Variants in MAP4K4 observed in about 807,000 individuals in gnomAD.
The protein encoded by MAP4K4 is mitogen-activated protein kinase kinase kinase kinase 4.
MAP4K4 carries 38 observed loss-of-function variants against 189.6 expected under a neutral mutation model. The ratio of observed to expected loss-of-function variants is 0.20; its 90% CI spans 0.15 to 0.26. The LOEUF is 0.26. Ranked by LOEUF, MAP4K4 falls within the 10% of genes least tolerant of loss-of-function variation. MAP4K4 has a pLI of 1.00. For synonymous variants in MAP4K4, 610 were observed against 624.3 expected, an observed-to-expected ratio of 0.98 and a Z score of 0.34; for missense variants, 1,054 against 1,726.9, an observed-to-expected ratio of 0.61 and a Z score of 6.91.
chr2:101,836,401 A>G (rs1458431019), intron 9 of MAP4K4, among the ~76,000 whole-genome samples: 1 of 152,190 alleles, frequency 6.6e-6, no homozygotes, highest in Non-Finnish European at 1.5e-5. Flanking sequence ...CCTGACCAAC[A>G]TGGAGAAACC....
chr2:101,865,148 T>G (rs912381559), intron 18 of MAP4K4, 112 bp downstream of exon 18: 13 of 636,032 alleles, frequency 2.0e-5, no homozygotes, highest in Non-Finnish European at 3.2e-5. Context: ...GCTAAGAGAT[T>G]ATCAGTTATA....
At chr2:101,864,299 A>G (rs1422114129) in intron 17 of MAP4K4, among the ~76,000 whole-genome samples, 1 of 152,196 alleles carries the variant, frequency 6.6e-6, no homozygotes, top group Non-Finnish European at 1.5e-5. Flanking sequence ...GTAAGTCTAC[A>G]AAGAATAGGC....
chr2:101,708,659 T>C (rs2043728117), intron 2 of MAP4K4, among the ~76,000 whole-genome samples: 1 of 152,212 alleles, frequency 6.6e-6, no homozygotes, highest in African/African-American at 2.4e-5. Context: ...AATTCAAGCT[T>C]ACATTTCAGT....
chr2:101,874,947 G>GTTTAT (rs1172912279), intron 26 of MAP4K4, among the ~76,000 whole-genome samples: 1 of 152,114 alleles, frequency 6.6e-6, no homozygotes, highest in East Asian at 1.9e-4. Context: ...TGAGGTTGAT[G>GTTTAT]TTTATATGTT....
chr2:101,704,539 GTGTA>G (rs1265384183), intron 2 of MAP4K4, among the ~76,000 whole-genome samples: 5 of 72,806 alleles, frequency 6.9e-5, no homozygotes, highest in African/African-American at 3.3e-4. Flanking sequence ...GTGTGTGTGT[GTGTA>G]TATATATATA....
chr2:101,702,709 G>A (rs1409587803), intron 2 of MAP4K4, among the ~76,000 whole-genome samples: 1 of 152,178 alleles, frequency 6.6e-6, no homozygotes, highest in Non-Finnish European at 1.5e-5. Flanking sequence ...TGAAATCAAG[G>A]TTCACTCAAA....
exon 33 of MAP4K4, chr2:101,892,152 A>G (rs2098580406): frequency 6.5e-6 from 1 of 152,744 alleles, no homozygotes; most frequent in African/African-American, 2.4e-5. Context: ...GTTTTACCAC[A>G]GTCTGCACTT....
At chr2:101,742,390 C>T (rs1007339585) in intron 2 of MAP4K4, among the ~76,000 whole-genome samples, 1 of 152,110 alleles carries the variant, frequency 6.6e-6, no homozygotes, top group African/African-American at 2.4e-5. Flanking sequence ...TTCCTTAAGC[C>T]TTTAGAATAA....
At chr2:101,833,008 C>A (rs2096633392) in intron 7 of MAP4K4, among the ~76,000 whole-genome samples, 1 of 152,138 alleles carries the variant, frequency 6.6e-6, no homozygotes, top group South Asian at 2.1e-4. Context: ...TGTTGCCTCA[C>A]AGCAGGGGAC....
At chr2:101,719,996 G>A (rs2149426027) in intron 2 of MAP4K4, among the ~76,000 whole-genome samples, 1 of 152,112 alleles carries the variant, frequency 6.6e-6, no homozygotes, top group African/African-American at 2.4e-5. Flanking sequence ...TGGGCGACAA[G>A]AGTGAGACTA....
chr2:101,788,639 C>T (rs2092203940), intron 2 of MAP4K4, among the ~76,000 whole-genome samples: 2 of 152,142 alleles, frequency 1.3e-5, no homozygotes, highest in Non-Finnish European at 2.9e-5. Flanking sequence ...GGTCTGGCCT[C>T]ATCACAAAAA....
At chr2:101,853,356 G>A (rs147794764) in intron 12 of MAP4K4, among the ~76,000 whole-genome samples, 1 of 152,272 alleles carries the variant, frequency 6.6e-6, no homozygotes, top group African/African-American at 2.4e-5. Context: ...CACACGAACA[G>A]ACACAAGACC....
chr2:101,755,272 T>G (rs1421905729), intron 2 of MAP4K4, among the ~76,000 whole-genome samples: 1 of 152,038 alleles, frequency 6.6e-6, no homozygotes, highest in Admixed American at 6.6e-5. Context: ...TCTTGTGGAC[T>G]TCCTAGTAAA....
In MAP4K4 at chr2:101,870,486, C is replaced by T. The variant is rs2097956121; in HGVS notation, c.2760+71C>T. On this transcript the variant is annotated intron_variant, in intron 23 of 32. Transcript: ENST00000324219. ...TCATTAACCCACTTGCTCATTCACTCACTCATGCTGTTTCTCCATCATCAT... is the reference window on the plus strand; with the variant it reads ...TCATTAACCCACTTGCTCATTCACTTACTCATGCTGTTTCTCCATCATCAT... 10 of 1,579,202 alleles carry T rather than the reference C, an allele frequency of 6.3e-6. No homozygotes were observed. In the South Asian group the frequency reaches 1.0e-4, roughly 16 times the overall value.
At chr2:101,851,389 A>G (rs569339059) in intron 12 of MAP4K4, among the ~76,000 whole-genome samples, 2 of 152,214 alleles carry the variant, frequency 1.3e-5, no homozygotes, top group Non-Finnish European at 2.9e-5. Flanking sequence ...AAGCATGTTC[A>G]TTAAAATTCC....
At chr2:101,854,555 A>G (rs1258614108) in intron 12 of MAP4K4, among the ~76,000 whole-genome samples, 1 of 152,216 alleles carries the variant, frequency 6.6e-6, no homozygotes, top group Non-Finnish European at 1.5e-5. Context: ...CTACCAAATC[A>G]TCGTTGCTAT....
intron 2 of MAP4K4, among the ~76,000 whole-genome samples, chr2:101,719,440 A>G (rs1377074338): frequency 6.6e-6 from 1 of 152,186 alleles, no homozygotes; most frequent in African/African-American, 2.4e-5. Context: ...CCATGGCAGT[A>G]AGTTTCTAGT....
At position 101,698,154 on chromosome 2, in the gene MAP4K4, G is replaced by C. The variant is rs768911998; in HGVS notation, c.57+17G>C. ...TCCCTGCGGGTGAGTGGGCCCGCGAGCGGGCGCGCGGGGAGCGGGCAGCCG... is the reference window on the plus strand; with the variant it reads ...TCCCTGCGGGTGAGTGGGCCCGCGACCGGGCGCGCGGGGAGCGGGCAGCCG... On this transcript the variant is annotated intron_variant, in intron 1 of 32. Transcript: ENST00000324219. 15 of 1,172,726 alleles carry C rather than the reference G, an allele frequency of 1.3e-5. No individual in the cohort carries two copies. Among genetic ancestry groups the C allele is most frequent in the Non-Finnish European group, 1.4e-5 (13 of 918,850 alleles). 72.6% of individuals were successfully genotyped at this position (1,172,726 alleles called of 1,614,324 possible).
rs189285303 is a variant in MAP4K4 at position 101,780,964 on chromosome 2, C to T, written c.124-9756C>T. 2.4e-3 allele frequency among the ~76,000 whole-genome samples: 372 copies of T among 152,140 alleles called. 1 individual carries two copies. The highest frequency in any genetic ancestry group is 8.8e-3 in the African/African-American group (366 of 41,508). On this transcript the variant is annotated intron_variant, in intron 2 of 32. Transcript: ENST00000324219. The stretch of plus-strand genomic sequence containing the variant: ...ATGGGAAATTTTTCTTGCTATTAAA[C>T]AAAAATTACTGGGTCTTTAGCCAGT...
Sources: gnomAD v4.1 joint callset for allele counts (sites outside exome capture counted in the v4.1 genomes callset) on GRCh38, gnomAD v4.1.1 for gene constraint, MANE v1.5 for transcripts, NCBI Gene and HGNC (gene_info 2026-07-23, HGNC 2026-07-21) for gene names.